The following ZFYVE1 variants were observed in gnomAD, a reference collection of about 807,000 sequenced individuals.
ZFYVE1 encodes zinc finger FYVE domain-containing protein 1.
In ZFYVE1, 30 loss-of-function variants were observed where a neutral mutation model predicts 74.4. The ratio of observed to expected loss-of-function variants is 0.40; its 90% CI spans 0.30 to 0.55. The LOEUF (loss-of-function observed/expected upper bound fraction) is 0.55. ZFYVE1 is among the 20% of genes least tolerant of loss of function. The probability of loss-of-function intolerance (pLI) is 0.42; values close to 1 mark genes in which losing one functional copy is unlikely to be tolerated. For synonymous variants in ZFYVE1, 335 were observed against 385.1 expected, an observed-to-expected ratio of 0.87 and a Z score of 1.52; for missense variants, 703 against 1,011.6, an observed-to-expected ratio of 0.69 and a Z score of 4.14.
rs796624821 is a variant in ZFYVE1, at chr14:72,998,445, T to C, written c.484-130A>G. On this transcript the variant is annotated intron_variant, in intron 2 of 11. Coordinates refer to ENST00000556143, the MANE Select transcript of ZFYVE1 (RefSeq NM_021260.4). ...TCAAAGAAAGGAAGTCACAGGATAA[T>C]AGCTCCCCACCTCCACCCTTAGCAA... 1.5e-5 allele frequency: 13 copies of C among 857,218 alleles called. No homozygotes were observed. The African/African-American group carries it at 2.2e-4, about 15-fold the overall frequency. The allele number at this position is 857,218 out of a possible 1,614,324, so 53.1% of individuals were successfully genotyped here.
chr14:73,003,935 C>A (rs1893926162), intron 2 of ZFYVE1, among the ~76,000 whole-genome samples: 1 of 152,142 alleles, frequency 6.6e-6, no homozygotes, highest in African/African-American at 2.4e-5. Context: ...TGTACAGCTG[C>A]TGAGTGAATG....
In ZFYVE1 at chr14:73,024,017, T is replaced by C. The variant is rs1344799048; in HGVS notation, c.483+9A>G. 6.2e-7 allele frequency: 1 copy of C among 1,612,724 alleles called. No individual in the cohort carries two copies. Among genetic ancestry groups the C allele is most frequent in the East Asian group, 2.2e-5 (1 of 44,876 alleles). On this transcript the variant is annotated intron_variant, in intron 2 of 11. Coordinates refer to ENST00000556143, the MANE Select transcript of ZFYVE1 (RefSeq NM_021260.4). ...CTACACATGAATCCCACTATACCCG[T>C]GTGCTTACCTGAATTTCTTCATTTT...
intron 2 of ZFYVE1, among the ~76,000 whole-genome samples, chr14:73,023,351 T>TATATATTATATATGTTTTATATATA (rs1894379188): frequency 1.6e-5 from 1 of 60,962 alleles, no homozygotes; most frequent in Non-Finnish European, 3.4e-5. Context: ...TTATATATAA[T>TATATATTATATATGTTTTATATATA]ATATATTATA....
At chr14:72,993,422 GC>G in intron 3 of ZFYVE1, 65 bp from the exon 4 acceptor site, 1 of 1,407,824 alleles carries the variant, frequency 7.1e-7, no homozygotes, top group Non-Finnish European at 9.6e-7. Context: ...AAAAAAGTAG[GC>G]CAGGCACGGT....
At chr14:73,015,344 A>AAGGGGAAGGAAGGGGGAAAGGAAG (rs1364584766) in intron 2 of ZFYVE1, among the ~76,000 whole-genome samples, 1 of 73,474 alleles carries the variant, frequency 1.4e-5, no homozygotes, top group Non-Finnish European at 2.5e-5. Flanking sequence ...GGGGGAAGGA[A>AAGGGGAAGGAAGGGGGAAAGGAAG]AGGGGAAGGA....
At chr14:73,019,583 T>C (rs1894272339) in intron 2 of ZFYVE1, among the ~76,000 whole-genome samples, 2 of 152,234 alleles carry the variant, frequency 1.3e-5, no homozygotes, top group Non-Finnish European at 2.9e-5. Flanking sequence ...TACAGAGCTA[T>C]GGTTCATCGG....
At chr14:72,976,040 T>G in intron 8 of ZFYVE1, 1 of 247,254 alleles carries the variant, frequency 4.0e-6, no homozygotes, top group Non-Finnish European at 7.8e-6. Context: ...TGGACATCTC[T>G]AGGAATCCTA....
chr14:72,985,205 G>T (rs750142852), intron 4 of ZFYVE1, among the ~76,000 whole-genome samples: 1 of 152,218 alleles, frequency 6.6e-6, no homozygotes, highest in Admixed American at 6.5e-5. Context: ...ACCCAGGCTG[G>T]AGTGCAGTGG....
intron 2 of ZFYVE1, among the ~76,000 whole-genome samples, chr14:73,004,704 G>C (rs17491620): frequency 0.07 from 10,580 of 152,040 alleles, 532 homozygotes; most frequent in South Asian, 0.19. Flanking sequence ...TTCGTCATGT[G>C]AAAGGAGGCT....
chr14:72,971,825 TAAG>T (rs1280532875), intron 11 of ZFYVE1, among the ~76,000 whole-genome samples: 3 of 152,126 alleles, frequency 2.0e-5, no homozygotes, highest in Non-Finnish European at 1.5e-5. Flanking sequence ...GCAGCCGTGT[TAAG>T]AACCCCTGGA....
At chr14:72,991,169 G>A (rs1342331916) in intron 4 of ZFYVE1, among the ~76,000 whole-genome samples, 4 of 149,388 alleles carry the variant, frequency 2.7e-5, no homozygotes, top group Non-Finnish European at 5.9e-5. Flanking sequence ...ACAGTGCTCA[G>A]TGTCCCTGAT....
At chr14:72,999,665 C>T (rs752015251) in intron 2 of ZFYVE1, among the ~76,000 whole-genome samples, 8 of 152,118 alleles carry the variant, frequency 5.3e-5, no homozygotes, top group Non-Finnish European at 1.2e-4. Context: ...ATGGTGGCAT[C>T]CATTTGTAAT....
intron 2 of ZFYVE1, among the ~76,000 whole-genome samples, chr14:73,007,905 C>T (rs2806057): frequency 0.27 from 41,035 of 152,134 alleles, 5,987 homozygotes; most frequent in Non-Finnish European, 0.32. Context: ...CACATAAAAA[C>T]ACAATCATTT....
rs781008769 is a variant in ZFYVE1 at position 73,024,600 on chromosome 14, G to A, written c.-92C>T. The A allele has an allele frequency of 2.4e-5, 36 of 1,485,442 alleles. No individual in the cohort carries two copies. The highest frequency in any genetic ancestry group is 8.4e-5 in the South Asian group (6 of 71,792). The allele number at this position is 1,485,442 out of a possible 1,614,324, so 92.0% of individuals were successfully genotyped here. The stretch of plus-strand genomic sequence containing the variant: ...GAAGATTTGAGTCTGAAGACTGCAC[G>A]AAACTTCCACAGGGTTCTGAACACT... On this transcript the variant is annotated 5_prime_UTR_variant, in exon 2 of 12. Coordinates refer to ENST00000556143, the MANE Select transcript of ZFYVE1 (RefSeq NM_021260.4).
At chr14:72,996,552 C>T (rs1213410042) in intron 3 of ZFYVE1, among the ~76,000 whole-genome samples, 1 of 152,180 alleles carries the variant, frequency 6.6e-6, no homozygotes, top group African/African-American at 2.4e-5. Flanking sequence ...AGCCACCACA[C>T]CCAGCCCTAC....
rs1893797304 is a variant in ZFYVE1, at chr14:72,998,319, C to CAG, written c.484-5_484-4insCT. ...TAAAGTCTTCTTCATTTGTTACCTG[C>CAG]AAAAAAAAAAAAAAAGACCATGAAA... On this transcript the variant is annotated splice_region_variant and splice_polypyrimidine_tract_variant and intron_variant, in intron 2 of 11. Coordinates refer to ENST00000556143, the MANE Select transcript of ZFYVE1 (RefSeq NM_021260.4). 3 of 1,222,014 alleles carry CAG rather than the reference C, an allele frequency of 2.5e-6. No individual in the cohort carries two copies. The highest frequency in any genetic ancestry group is 3.5e-5 in the African/African-American group (2 of 57,934). 75.7% of individuals were successfully genotyped at this position (1,222,014 alleles called of 1,614,324 possible).
At chr14:72,973,492 A>AAAAC (rs146630567) in intron 11 of ZFYVE1, among the ~76,000 whole-genome samples, 35 of 151,782 alleles carry the variant, frequency 2.3e-4, no homozygotes, top group Admixed American at 1.0e-3. Context: ...CCATCTCAAA[A>AAAAC]AAACAAACAA....
rs376291183 is a variant in ZFYVE1, at chr14:73,025,567, G to A, written c.-434-625C>T. Among the ~76,000 whole-genome samples the A allele has an allele frequency of 4.0e-5, 6 of 151,616 alleles. No homozygotes were observed. The East Asian group carries it at 9.9e-4, about 25-fold the overall frequency. ...AAATATTAGCTGGGCATGGTGGCAG[G>A]CACGTGTAATCCAAGCTACTAGGGA... On this transcript the variant is annotated intron_variant, in intron 1 of 11. Coordinates refer to ENST00000556143, the MANE Select transcript of ZFYVE1 (RefSeq NM_021260.4).
intron 5 of ZFYVE1, 99 bp from the exon 6 acceptor site, chr14:72,979,068 G>A (rs1292555580): frequency 1.0e-6 from 1 of 1,003,694 alleles, no homozygotes; most frequent in Non-Finnish European, 1.6e-6. Context: ...GCCACGACCA[G>A]ACCTTGATTA....
Sources: gnomAD v4.1 joint callset for allele counts (sites outside exome capture counted in the v4.1 genomes callset) on GRCh38, gnomAD v4.1.1 for gene constraint, MANE v1.5 for transcripts, NCBI Gene and HGNC (gene_info 2026-07-23, HGNC 2026-07-21) for gene names.